CFAP77: variants seen among roughly 807,000 people sequenced by gnomAD.
The protein encoded by CFAP77 is cilia- and flagella-associated protein 77.
CFAP77 carries 25 observed loss-of-function variants against 31.1 expected under a neutral mutation model. The ratio of observed to expected loss-of-function variants is 0.80; its 90% CI spans 0.59 to 1.12. CFAP77 has a LOEUF of 1.12. Ranked by LOEUF, CFAP77 falls within the 50% of genes most tolerant of loss-of-function variation. The pLI is 0.00. For synonymous variants in CFAP77, 151 were observed against 159.9 expected (o/e 0.94, Z 0.42); for missense variants, 377 against 397.3 (o/e 0.95, Z 0.44).
chr9:132,433,187 C>A (rs1385843504), intron 1 of CFAP77, among the ~76,000 whole-genome samples: 1 of 152,148 alleles, frequency 6.6e-6, no homozygotes. Context: ...CTGACAATAG[C>A]ACCTACTTCA....
Position 132,498,694 on chromosome 9 carries a change from G to T in CFAP77, c.196-1G>T. The T allele has an allele frequency of 6.2e-7, 1 of 1,609,714 alleles. No homozygotes were observed. Among genetic ancestry groups the T allele is most frequent in the Non-Finnish European group, 8.5e-7 (1 of 1,177,516 alleles). On this transcript the variant is annotated splice_acceptor_variant, in intron 1 of 5. Transcript: ENST00000393216. LOFTEE classifies it high-confidence loss of function. This position sits in a 1 kb window ranked among gnomAD's most constrained non-coding sequence, Gnocchi z 4.2. ...TCTGCTCTCTGTCCTTCCCCCGACAGGCTGAACTCGGCAAGCCCCGGGAAA... is the reference window on the plus strand; with the variant it reads ...TCTGCTCTCTGTCCTTCCCCCGACATGCTGAACTCGGCAAGCCCCGGGAAA...
chr9:132,551,612 C>T (rs896242350), intron 5 of CFAP77, among the ~76,000 whole-genome samples: 3 of 152,228 alleles, frequency 2.0e-5, no homozygotes, highest in African/African-American at 4.8e-5. Flanking sequence ...TGGGTGCTTT[C>T]GTGAGTTATC....
intron 3 of CFAP77, among the ~76,000 whole-genome samples, chr9:132,525,715 T>C (rs1852347110): frequency 6.6e-6 from 1 of 152,246 alleles, no homozygotes; most frequent in South Asian, 2.1e-4. Flanking sequence ...AACTGTTCTG[T>C]CATCCAAAGA....
At chr9:132,452,504 T>C (rs572322785) in intron 1 of CFAP77, among the ~76,000 whole-genome samples, 4 of 152,196 alleles carry the variant, frequency 2.6e-5, no homozygotes, top group African/African-American at 4.8e-5. Flanking sequence ...GGAGGACCAG[T>C]TGAAGGAGAA....
intron 5 of CFAP77, among the ~76,000 whole-genome samples, chr9:132,559,482 G>C (rs1852961417): frequency 6.6e-6 from 1 of 151,930 alleles, no homozygotes; most frequent in East Asian, 1.9e-4. Flanking sequence ...ACAATGAGAT[G>C]GGACTTCACT....
At chr9:132,543,518 C>T (rs1393672056) in intron 5 of CFAP77, among the ~76,000 whole-genome samples, 2 of 151,110 alleles carry the variant, frequency 1.3e-5, no homozygotes, top group African/African-American at 2.5e-5. Flanking sequence ...AGGCTGTTCA[C>T]CAGGGGAGGA....
At chr9:132,519,569 TG>T (rs1852222224) in intron 3 of CFAP77, among the ~76,000 whole-genome samples, 2 of 123,576 alleles carry the variant, frequency 1.6e-5, no homozygotes, top group Admixed American at 8.0e-5. Context: ...GATGGATGGA[TG>T]GATAGATGGA....
intron 1 of CFAP77, among the ~76,000 whole-genome samples, chr9:132,410,855 C>T (rs561200592): frequency 7.7e-4 from 118 of 152,334 alleles, no homozygotes; most frequent in African/African-American, 2.7e-3. Context: ...GCTGCCAGCC[C>T]TCCCAGGGTA....
At chr9:132,444,432 G>A (rs1334249075) in intron 1 of CFAP77, among the ~76,000 whole-genome samples, 1 of 152,228 alleles carries the variant, frequency 6.6e-6, no homozygotes, top group Non-Finnish European at 1.5e-5. Flanking sequence ...AGGAACGAGA[G>A]GGGAATGAAG....
chr9:132,569,650 G>C (rs1023201412), intron 5 of CFAP77, among the ~76,000 whole-genome samples: 1 of 151,806 alleles, frequency 6.6e-6, no homozygotes, highest in Admixed American at 6.6e-5. Flanking sequence ...GTCCAAGCCG[G>C]CTGGACACCA....
intron 1 of CFAP77, among the ~76,000 whole-genome samples, chr9:132,470,497 A>C (rs1458785826): frequency 1.3e-5 from 2 of 152,212 alleles, no homozygotes; most frequent in Admixed American, 6.5e-5. Context: ...TTGGCCTCGC[A>C]TCCCAGTGTT....
intron 1 of CFAP77, among the ~76,000 whole-genome samples, chr9:132,487,075 C>G (rs1455519655): frequency 6.6e-6 from 1 of 152,244 alleles, no homozygotes; most frequent in African/African-American, 2.4e-5. Flanking sequence ...CCCCACGGTC[C>G]GCGGCTCCCT....
chr9:132,444,979 T>A (rs181812065), intron 1 of CFAP77, among the ~76,000 whole-genome samples: 243 of 150,376 alleles, frequency 1.6e-3, no homozygotes, highest in Non-Finnish European at 2.9e-3. Context: ...TCTTTCTTTT[T>A]TTTTTTTTTT....
rs902170198 is a variant in CFAP77, at chr9:132,424,182, C to A, written c.195+13716C>A. Among the ~76,000 whole-genome samples the A allele has an allele frequency of 1.3e-5, 2 of 152,086 alleles. No individual in the cohort carries two copies. The highest frequency in any genetic ancestry group is 6.6e-5 in the Admixed American group (1 of 15,264). On this transcript the variant is annotated intron_variant, in intron 1 of 5. Transcript: ENST00000393216. This position sits in a 1 kb window ranked among gnomAD's most constrained non-coding sequence, Gnocchi z 4.1. ...CAGCACTTTGGGAGGCAGAGGCAGG[C>A]AGATCATGAGGTCAGGAGATGGAGA...
Position 132,454,943 on chromosome 9 carries a change from G to C in CFAP77, c.196-43752G>C, listed in dbSNP as rs1850887633. ...TCTTTCAAAGTCCCCTTAAGTCAGA[G>C]AGTGATCACTTAGACCATCCCAGGA... On this transcript the variant is annotated intron_variant, in intron 1 of 5. Transcript: ENST00000393216. Among the ~76,000 whole-genome samples the C allele has an allele frequency of 2.0e-5, 3 of 152,224 alleles. No homozygotes were observed. In the East Asian group the frequency reaches 5.8e-4, roughly 29 times the overall value.
Position 132,565,490 on chromosome 9 carries a change from G to T in CFAP77, c.733-6898G>T, listed in dbSNP as rs1302296281. Among the ~76,000 whole-genome samples, 1 of 152,048 alleles carries T rather than the reference G, an allele frequency of 6.6e-6. No homozygotes were observed. On this transcript the variant is annotated intron_variant, in intron 5 of 5. Coordinates refer to ENST00000393216, the MANE Select transcript of CFAP77 (RefSeq NM_001282957.2). This position sits in a 1 kb window ranked among gnomAD's most constrained non-coding sequence, Gnocchi z 4.1. ...ACTAAAAATATAAAAAATTAGCTGG[G>T]CGTGATGGCAGACACCTGTAATCCC... is the stretch of plus-strand genomic sequence containing the variant.
At chr9:132,457,348 G>A (rs1472156720) in intron 1 of CFAP77, among the ~76,000 whole-genome samples, 1 of 152,150 alleles carries the variant, frequency 6.6e-6, no homozygotes, top group East Asian at 1.9e-4. Flanking sequence ...TCGAGATTTC[G>A]CTATTATTTT....
intron 1 of CFAP77, among the ~76,000 whole-genome samples, chr9:132,484,936 C>T (rs751505068): frequency 1.3e-5 from 2 of 151,828 alleles, no homozygotes; most frequent in African/African-American, 4.8e-5. Context: ...GCAACCTCTG[C>T]CTCCTGGGTT....
chr9:132,414,653 G>A (rs1025568763), intron 1 of CFAP77, among the ~76,000 whole-genome samples: 3 of 152,148 alleles, frequency 2.0e-5, no homozygotes, highest in African/African-American at 7.2e-5. Context: ...GTTCTGGGCA[G>A]GTCTCAGGGA....
Sources: allele counts gnomAD v4.1 joint callset (sites outside exome capture counted in the v4.1 genomes callset), GRCh38; gene constraint gnomAD v4.1.1; non-coding constraint Gnocchi (gnomAD v3.1); transcripts MANE v1.5; gene names NCBI Gene and HGNC (gene_info 2026-07-23, HGNC 2026-07-21).